Variants in DNAH10 observed in about 807,000 individuals in gnomAD.
The protein encoded by DNAH10 is dynein axonemal heavy chain 10.
Under a neutral mutation model 506.6 loss-of-function variants are expected in DNAH10, and 348 were observed. The observed-to-expected ratio is 0.69, with a 90% CI of 0.63 to 0.75. The LOEUF (loss-of-function observed/expected upper bound fraction) is 0.75. Ranked by LOEUF, DNAH10 falls within the 30% of genes least tolerant of loss-of-function variation. The pLI is 0.00. For synonymous variants in DNAH10, 2,059 were observed against 2,198.6 expected, an observed-to-expected ratio of 0.94 and a Z score of 1.78; for missense variants, 5,179 against 5,787.1, an observed-to-expected ratio of 0.89 and a Z score of 3.41.
Position 123,926,375 on chromosome 12 carries a change from C to T in DNAH10, c.11922-262C>T. On this transcript the variant is annotated intron_variant, in intron 68 of 78. Coordinates refer to ENST00000673944, the MANE Select transcript of DNAH10 (RefSeq NM_001372106.1). The surrounding 1 kb of genome is among the most constrained non-coding windows in gnomAD (Gnocchi z 4.1). Reference sequence around the variant, plus strand: ...TGGGCAGGCCCACCTAGAGGGCAAGCTGAGGTGCCCAGCTCAGCACAAACC... The same window carrying T: ...TGGGCAGGCCCACCTAGAGGGCAAGTTGAGGTGCCCAGCTCAGCACAAACC... The T allele has an allele frequency of 2.3e-6, 1 of 428,302 alleles. No homozygotes were observed. Among genetic ancestry groups the T allele is most frequent in the Non-Finnish European group, 4.1e-6 (1 of 246,898 alleles). 26.5% of individuals were successfully genotyped at this position (428,302 alleles called of 1,614,324 possible).
In DNAH10 at chr12:123,928,509, C is replaced by T; in HGVS notation, c.12228C>T (p.Pro4076=). 1 of 1,611,536 alleles carries T rather than the reference C, an allele frequency of 6.2e-7. No homozygotes were observed. Among genetic ancestry groups the T allele is most frequent in the Non-Finnish European group, 8.5e-7 (1 of 1,178,964 alleles). Residue 4076 remains proline (P), a synonymous_variant, in exon 70 of 79, where the codon CCC becomes CCT. Coordinates refer to ENST00000673944, the MANE Select transcript of DNAH10 (RefSeq NM_001372106.1). The surrounding 1 kb of genome is among the most constrained non-coding windows in gnomAD (Gnocchi z 4.9). ...AGTCCCTGGAGAGGATCACCAAGCC[C>T]CACCCAGACTTCCGCCTGTGGCTCA... The part of the protein sequence containing the change: ...LEKSLERITK[P]HPDFRLWLTT...
At chr12:123,912,356 G>A (rs1387951495) in intron 59 of DNAH10, among the ~76,000 whole-genome samples, 1 of 46,828 alleles carries the variant, frequency 2.1e-5, no homozygotes, top group Non-Finnish European at 4.2e-5. Flanking sequence ...GTCTGTCCTG[G>A]GGGGGTCTGT....
rs1951258603 is a variant in DNAH10 at position 123,853,558 on chromosome 12, G to A, written c.6438+206G>A. Among the ~76,000 whole-genome samples, 3 of 152,158 alleles carry A rather than the reference G, an allele frequency of 2.0e-5. No individual in the cohort carries two copies. The highest frequency in any genetic ancestry group is 2.0e-4 in the Admixed American group (3 of 15,278). On this transcript the variant is annotated intron_variant, in intron 36 of 78. Transcript: ENST00000673944. This position sits in a 1 kb window ranked among gnomAD's most constrained non-coding sequence, Gnocchi z 4.7. ...TACACTTAGTACCTTAAGGTCAAGT[G>A]CAATGTCTTCGCTCCAATAGCAACA...
intron 65 of DNAH10, among the ~76,000 whole-genome samples, chr12:123,922,441 G>C (rs532066088): frequency 3.9e-5 from 6 of 152,180 alleles, no homozygotes; most frequent in African/African-American, 1.4e-4. Context: ...GGGGCCTGTA[G>C]AGTGACCTTT....
chr12:123,851,965 G>C (rs1951193348), intron 35 of DNAH10, among the ~76,000 whole-genome samples: 1 of 152,136 alleles, frequency 6.6e-6, no homozygotes, highest in Non-Finnish European at 1.5e-5. Context: ...TGTAGAGACA[G>C]GGTCTCTACA....
At chr12:123,803,553 G>A (rs779611769) in intron 16 of DNAH10, 108 bp from the exon 17 acceptor site, 9 of 1,134,162 alleles carry the variant, frequency 7.9e-6, no homozygotes, top group Non-Finnish European at 1.1e-5. Flanking sequence ...GAATGAGCAG[G>A]GTCTTTCCTG....
Position 123,762,642 on chromosome 12 carries a change from T to C in DNAH10, c.214+92T>C. 7.4e-7 allele frequency: 1 copy of C among 1,354,558 alleles called. No individual in the cohort carries two copies. Among genetic ancestry groups the C allele is most frequent in the Non-Finnish European group, 9.9e-7 (1 of 1,010,536 alleles). The allele number at this position is 1,354,558 out of a possible 1,614,324, so 83.9% of individuals were successfully genotyped here. The stretch of plus-strand genomic sequence containing the variant: ...CGCCGGGGCTGCTAGAGCCTGCCCA[T>C]CGTCCGGCCCCGGCCTCAGGTGCTG... On this transcript the variant is annotated intron_variant, in intron 1 of 78. Transcript: ENST00000673944. The surrounding 1 kb of genome is among the most constrained non-coding windows in gnomAD (Gnocchi z 5.0).
Position 123,867,946 on chromosome 12 carries a change from A to G in DNAH10, c.7346A>G (p.Glu2449Gly), listed in dbSNP as rs1231532827. ...ATGTTGGATGCGTTGCTAGAAGGAG[A>G]AATAGAAGACCTTGACCTGCTGGAG... ...AKMLDALLEG[E>G]IEDLDLLECY... Residue 2449 changes from glutamate to glycine, a missense_variant, in exon 43 of 79, where the codon GAA becomes GGA. Coordinates refer to ENST00000673944, the MANE Select transcript of DNAH10 (RefSeq NM_001372106.1). 6.2e-7 allele frequency: 1 copy of G among 1,613,890 alleles called. No homozygotes were observed. The highest frequency in any genetic ancestry group is 8.5e-7 in the Non-Finnish European group (1 of 1,179,858).
In DNAH10 at chr12:123,932,037, C is replaced by A. The variant is rs571838240; in HGVS notation, c.13225C>A (p.Pro4409Thr). The change falls in exon 76 of 79, where the codon CCT (proline) becomes ACT (threonine). Residue 4409 changes from proline to threonine, a missense_variant. Coordinates refer to ENST00000673944, the MANE Select transcript of DNAH10 (RefSeq NM_001372106.1). ...HIPNIWRRLA[P>T]DTLKSLGNWM... Reference sequence around the variant, plus strand: ...CCCTAATATCTGGAGAAGGCTTGCTCCTGACACCTTAAAGTCCCTTGGAAA... The same window carrying A: ...CCCTAATATCTGGAGAAGGCTTGCTACTGACACCTTAAAGTCCCTTGGAAA... 2 of 1,614,004 alleles carry A rather than the reference C, an allele frequency of 1.2e-6. No individual in the cohort carries two copies. The highest frequency in any genetic ancestry group is 2.2e-5 in the South Asian group (2 of 91,078).
At chr12:123,767,053 G>A (rs890761393) in intron 1 of DNAH10, among the ~76,000 whole-genome samples, 3 of 151,600 alleles carry the variant, frequency 2.0e-5, no homozygotes, top group South Asian at 2.1e-4. Flanking sequence ...TTACAGGCGC[G>A]CACCACCACA....
intron 38 of DNAH10, among the ~76,000 whole-genome samples, chr12:123,859,742 A>G (rs1390078723): frequency 6.6e-6 from 1 of 152,060 alleles, no homozygotes; most frequent in Non-Finnish European, 1.5e-5. Flanking sequence ...CACATTGAAG[A>G]TCGTAAAGGA....
At position 123,801,377 on chromosome 12, in the gene DNAH10, G is replaced by A; in HGVS notation, c.2559G>A (p.Gln853=). ...AESVLLKDHS[Q]ELLRVFRSGY... ...CTGTGCTTCTCAAAGATCATTCCCA[G>A]GAACTGCTCCGAGTGTTTAGGTCGG... Residue 853 remains glutamine (Q), a synonymous_variant, in exon 16 of 79, where the codon CAG becomes CAA. Coordinates refer to ENST00000673944, the MANE Select transcript of DNAH10 (RefSeq NM_001372106.1). 4 of 1,614,182 alleles carry A rather than the reference G, an allele frequency of 2.5e-6. No homozygotes were observed. Among genetic ancestry groups the A allele is most frequent in the Non-Finnish European group, 3.4e-6 (4 of 1,180,036 alleles).
intron 61 of DNAH10, 62 bp downstream of exon 61, chr12:123,914,612 G>C: frequency 6.6e-7 from 1 of 1,526,552 alleles, no homozygotes; most frequent in Non-Finnish European, 8.8e-7. Context: ...GTCTACGTGG[G>C]TGTCACCCTG....
In DNAH10 at chr12:123,903,145, C is replaced by T. The variant is rs749293927; in HGVS notation, c.9815+32C>T. On this transcript the variant is annotated intron_variant, in intron 57 of 78. Transcript: ENST00000673944. The surrounding 1 kb of genome is among the most constrained non-coding windows in gnomAD (Gnocchi z 4.6). ...CACCTGAGCCACCATTCTGGGCTTC[C>T]ATTCCACCTCTGCAAGCCAGTAGTC... 3.2e-6 allele frequency: 5 copies of T among 1,576,320 alleles called. No individual in the cohort carries two copies. In the East Asian group the frequency reaches 9.2e-5, roughly 29 times the overall value.
rs77170243 is a variant in DNAH10 at position 123,879,872 on chromosome 12, C to T, written c.8634+71C>T. ...CATGGGCCAAGCGGGAGCTGAGCAT[C>T]GCGCGGGTGCCCGGGAGCCTATCAC... On this transcript the variant is annotated intron_variant, in intron 50 of 78. Transcript: ENST00000673944. 4.2e-3 allele frequency: 6,522 copies of T among 1,542,348 alleles called. 61 individuals are homozygous for T. The highest frequency in any genetic ancestry group is 0.032 in the African/African-American group (2,313 of 72,880).
At position 123,800,225 on chromosome 12, in the gene DNAH10, G is replaced by A. The variant is rs573621216; in HGVS notation, c.2299G>A (p.Ala767Thr). 43 of 1,613,544 alleles carry A rather than the reference G, an allele frequency of 2.7e-5. 2 individuals carry two copies. The South Asian group carries it at 3.6e-4, about 14-fold the overall frequency. Residue 767 changes from alanine to threonine, a missense_variant, in exon 15 of 79, where the codon GCC becomes ACC. Around this residue, in one of 3 missense-constraint regions of DNAH10, gnomAD observed 4,844 missense variants for 5,430.5 expected, o/e 0.89. Coordinates refer to ENST00000673944, the MANE Select transcript of DNAH10 (RefSeq NM_001372106.1). ...KKSLLTKSSI[A>T]TEEPSTLERG... Reference sequence around the variant, plus strand: ...AATGTCTCTTCCACAGTCTTCCATCGCCACAGAGGAGCCTTCGACTTTAGA... The same window carrying A: ...AATGTCTCTTCCACAGTCTTCCATCACCACAGAGGAGCCTTCGACTTTAGA...
At position 123,916,627 on chromosome 12, in the gene DNAH10, C is replaced by T; in HGVS notation, c.10893C>T (p.Asp3631=). 1 of 1,613,890 alleles carries T rather than the reference C, an allele frequency of 6.2e-7. No homozygotes were observed. The highest frequency in any genetic ancestry group is 1.1e-5 in the South Asian group (1 of 91,084). Residue 3631 remains aspartate, a synonymous_variant, in exon 63 of 79, where the codon GAC becomes GAT. Coordinates refer to ENST00000673944, the MANE Select transcript of DNAH10 (RefSeq NM_001372106.1). This position sits in a 1 kb window ranked among gnomAD's most constrained non-coding sequence, Gnocchi z 4.6. ...SQGRQFIILG[D]KEVDYDSNFR... ...GACGGCAGTTTATTATCCTGGGAGACAAGGAAGTGGACTATGATTCAAATT... is the reference window on the plus strand; with the variant it reads ...GACGGCAGTTTATTATCCTGGGAGATAAGGAAGTGGACTATGATTCAAATT...
intron 24 of DNAH10, among the ~76,000 whole-genome samples, chr12:123,821,661 A>G (rs1008807312): frequency 1.3e-5 from 2 of 151,620 alleles, no homozygotes; most frequent in African/African-American, 4.9e-5. Context: ...AATGATTAAA[A>G]TGACAATTTT....
rs779810590 is a variant in DNAH10, at chr12:123,930,517, G to C, written c.12728G>C (p.Arg4243Pro). ...ACTTTCCAGCCATTCCACTTCTTCC[G>C]GAACAAGGAAGTGGACTACAAAATC... Reference protein sequence around the residue: ...FDTFQPFHFFRNKEVDYKIPV... With the variant: ...FDTFQPFHFFPNKEVDYKIPV... Residue 4243 changes from arginine to proline, a missense_variant, in exon 73 of 79, where the codon CGG becomes CCG. Transcript: ENST00000673944. 2 of 1,609,328 alleles carry C rather than the reference G, an allele frequency of 1.2e-6. No homozygotes were observed. Among genetic ancestry groups the C allele is most frequent in the Admixed American group, 3.4e-5 (2 of 58,692 alleles).
Sources: allele counts gnomAD v4.1 joint callset (sites outside exome capture counted in the v4.1 genomes callset), GRCh38; gene constraint gnomAD v4.1.1; regional missense constraint gnomAD v4.1.1; non-coding constraint Gnocchi (gnomAD v3.1); transcripts MANE v1.5; gene names NCBI Gene and HGNC (gene_info 2026-07-23, HGNC 2026-07-21).